The following ARL13B variants were observed in gnomAD, a reference collection of about 807,000 sequenced individuals.
The protein encoded by ARL13B is ADP-ribosylation factor-like protein 13B.
A neutral mutation model predicts 56.1 loss-of-function variants in ARL13B; 36 were observed. That is an observed-to-expected ratio of 0.64 (90% CI 0.49 to 0.85). The LOEUF (loss-of-function observed/expected upper bound fraction) is 0.85. ARL13B is among the 40% of genes least tolerant of loss of function. ARL13B has a pLI of 0.00. For synonymous variants in ARL13B, 178 were observed against 171.1 expected (o/e 1.04, Z -0.32); for missense variants, 519 against 507.1 (o/e 1.02, Z -0.23).
At chr3:94,032,487 A>G (rs1397645006) in intron 3 of ARL13B, among the ~76,000 whole-genome samples, 1 of 152,104 alleles carries the variant, frequency 6.6e-6, no homozygotes, top group East Asian at 1.9e-4. Flanking sequence ...GGAAAACAGT[A>G]TGGAGATTTC....
chr3:94,023,605 C>T (rs1287837858), intron 3 of ARL13B, among the ~76,000 whole-genome samples: 2 of 152,002 alleles, frequency 1.3e-5, no homozygotes, highest in Non-Finnish European at 2.9e-5. Flanking sequence ...AGAAAAGCAA[C>T]GTCCAAATAA....
chr3:94,038,515 CTTTTTTTTTTTTT>C (rs761909057), intron 5 of ARL13B, among the ~76,000 whole-genome samples: 1 of 54,468 alleles, frequency 1.8e-5, no homozygotes, highest in Non-Finnish European at 3.4e-5. Context: ...TCTGGCTGCT[CTTTTTTTTTTTTT>C]TTTTTTTTTT....
chr3:94,030,393 ATTT>A (rs11299685), intron 3 of ARL13B, among the ~76,000 whole-genome samples: 14 of 119,930 alleles, frequency 1.2e-4, no homozygotes, highest in Admixed American at 8.7e-5. Context: ...CGCCTGGCTC[ATTT>A]TTTTTTTTTT....
chr3:94,004,515 G>C (rs934370228), intron 3 of ARL13B, among the ~76,000 whole-genome samples: 1 of 152,032 alleles, frequency 6.6e-6, no homozygotes, highest in Non-Finnish European at 1.5e-5. Flanking sequence ...TGCTATAACC[G>C]TGAGGCATAG....
intron 1 of ARL13B, among the ~76,000 whole-genome samples, chr3:93,982,048 T>C (rs554733072): frequency 4.6e-5 from 7 of 152,172 alleles, no homozygotes; most frequent in Non-Finnish European, 7.3e-5. Context: ...ATGTATTTGG[T>C]TTCTGTGAAG....
chr3:94,000,741 C>T (rs2076041495), intron 2 of ARL13B, among the ~76,000 whole-genome samples: 1 of 151,890 alleles, frequency 6.6e-6, no homozygotes, highest in African/African-American at 2.4e-5. Context: ...TAGTACTTAG[C>T]TTATAAGAAA....
chr3:93,980,473 AG>A lies in ARL13B; in HGVS notation c.51del (p.Glu17AspfsTer6). On this transcript the variant is annotated frameshift_variant, in exon 1 of 10. Transcript: ENST00000394222. LOFTEE classifies it high-confidence loss of function. ...SCCGWFKRWR[E>X]PVRKVTLLMV... Reference sequence around the variant, plus strand: ...TGCGGCTGGTTCAAGCGGTGGCGGGAGCCTGTCAGGTAGGCTGGAGCCAGCT... The same window carrying A: ...TGCGGCTGGTTCAAGCGGTGGCGGGACCTGTCAGGTAGGCTGGAGCCAGCT... 1 of 1,611,374 alleles carries A rather than the reference AG, an allele frequency of 6.2e-7. No homozygotes were observed. The highest frequency in any genetic ancestry group is 2.2e-5 in the East Asian group (1 of 44,836).
intron 5 of ARL13B, among the ~76,000 whole-genome samples, chr3:94,037,658 A>G (rs2076791950): frequency 6.6e-6 from 1 of 151,990 alleles, no homozygotes; most frequent in Non-Finnish European, 1.5e-5. Context: ...TTATCATATA[A>G]AGCTCAGTAC....
In ARL13B at chr3:94,036,593, C is replaced by G. The variant is rs762140041; in HGVS notation, c.528C>G (p.Asp176Glu). The G allele has an allele frequency of 1.2e-6, 2 of 1,613,922 alleles. No homozygotes were observed. The highest frequency in any genetic ancestry group is 1.1e-5 in the South Asian group (1 of 91,074). The change falls in exon 5 of 10, where the codon GAC becomes GAG. Residue 176 changes from aspartate to glutamate, a missense_variant. Physicochemically the swap from Asp to Glu is conservative, Grantham distance 45 (BLOSUM62 2). Coordinates refer to ENST00000394222, the MANE Select transcript of ARL13B (RefSeq NM_001174150.2). ...TCTCGGGGTATGGAAAGAAAATTGA[C>G]AAGTCCATTAAAAAAGGCCTTTATT... ...SAISGYGKKIDKSIKKGLYWL... is the reference protein window; with the variant it reads ...SAISGYGKKIEKSIKKGLYWL...
chr3:94,046,699 T>G (rs1229595255), intron 7 of ARL13B, among the ~76,000 whole-genome samples: 1 of 152,212 alleles, frequency 6.6e-6, no homozygotes, highest in African/African-American at 2.4e-5. Flanking sequence ...GGTTTTTTGT[T>G]TGTTTTTTAA....
At position 94,033,062 on chromosome 3, in the gene ARL13B, T is replaced by C. The variant is rs972580045; in HGVS notation, c.381-2269T>C. ...CTATTCAACTATTTAAAAAAGCATG[T>C]TTTTTCCAGCAACGTGGATGGAGCT... On this transcript the variant is annotated intron_variant, in intron 3 of 9. Coordinates refer to ENST00000394222, the MANE Select transcript of ARL13B (RefSeq NM_001174150.2). 2.6e-5 allele frequency among the ~76,000 whole-genome samples: 4 copies of C among 152,140 alleles called. No individual in the cohort carries two copies. In the East Asian group the frequency reaches 7.7e-4, roughly 29 times the overall value.
intron 6 of ARL13B, among the ~76,000 whole-genome samples, chr3:94,040,505 T>G (rs891341507): frequency 1.3e-5 from 2 of 152,140 alleles, no homozygotes; most frequent in African/African-American, 2.4e-5. Flanking sequence ...AACATTAATT[T>G]GTAGATTTTA....
At chr3:94,020,622 G>T (rs573851747) in intron 3 of ARL13B, among the ~76,000 whole-genome samples, 113 of 152,270 alleles carry the variant, frequency 7.4e-4, no homozygotes, top group African/African-American at 2.7e-3. Flanking sequence ...AAATCTGTTT[G>T]TGTCAGGAAA....
At chr3:94,018,936 T>G (rs2076390823) in intron 3 of ARL13B, among the ~76,000 whole-genome samples, 3 of 151,640 alleles carry the variant, frequency 2.0e-5, no homozygotes, top group Non-Finnish European at 1.5e-5. Flanking sequence ...CAGCTAATTT[T>G]TGTATTTTTA....
At chr3:93,993,004 C>T (rs1294387961) in intron 1 of ARL13B, among the ~76,000 whole-genome samples, 3 of 150,658 alleles carry the variant, frequency 2.0e-5, no homozygotes, top group Non-Finnish European at 3.0e-5. Context: ...GGGATTTCAC[C>T]GTGTCGTCCA....
At chr3:93,998,925 CTTT>C (rs78985252) in intron 2 of ARL13B, among the ~76,000 whole-genome samples, 4 of 141,382 alleles carry the variant, frequency 2.8e-5, no homozygotes, top group African/African-American at 1.0e-4. Context: ...TCTCAGCCTT[CTTT>C]TTTTTTTTTT....
intron 7 of ARL13B, among the ~76,000 whole-genome samples, chr3:94,048,531 G>A (rs2077017863): frequency 6.6e-6 from 1 of 151,926 alleles, no homozygotes; most frequent in African/African-American, 2.4e-5. Flanking sequence ...TTGGTTACGT[G>A]TTTGTATTGT....
rs1249468254 is a variant in ARL13B at position 94,055,284 on chromosome 3, C to T, written c.*2021C>T. 2 of 414,406 alleles carry T rather than the reference C, an allele frequency of 4.8e-6. No individual in the cohort carries two copies. The highest frequency in any genetic ancestry group is 9.4e-6 in the Non-Finnish European group (2 of 212,784). 25.7% of individuals were successfully genotyped at this position (414,406 alleles called of 1,614,324 possible). Reference sequence around the variant, plus strand: ...AATAAAAATAATTTATATCAATATTCTGTTTCTCTTTTCAATTGGTAGATT... The same window carrying T: ...AATAAAAATAATTTATATCAATATTTTGTTTCTCTTTTCAATTGGTAGATT... On this transcript the variant is annotated 3_prime_UTR_variant, in exon 10 of 10. Transcript: ENST00000394222.
intron 7 of ARL13B, among the ~76,000 whole-genome samples, chr3:94,046,447 C>G (rs1276330267): frequency 6.6e-6 from 1 of 151,194 alleles, no homozygotes. Context: ...ACTTTTTTGT[C>G]TTGCTTTCTG....
Sources: gnomAD v4.1 joint callset for allele counts (sites outside exome capture counted in the v4.1 genomes callset) on GRCh38, gnomAD v4.1.1 for gene constraint, MANE v1.5 for transcripts, NCBI Gene and HGNC (gene_info 2026-07-23, HGNC 2026-07-21) for gene names.